BRD3: variants seen among roughly 807,000 people sequenced by gnomAD.
BRD3 encodes bromodomain-containing protein 3.
In BRD3, 17 loss-of-function variants were observed where a neutral mutation model predicts 66.8. The observed-to-expected ratio is 0.25, with a 90% CI of 0.17 to 0.38. The LOEUF is 0.38. BRD3 is among the 10% of genes least tolerant of loss of function. The pLI is 1.00. For synonymous variants in BRD3, 421 were observed against 393.2 expected (o/e 1.07, Z -0.84); for missense variants, 713 against 956.1 (o/e 0.75, Z 3.35).
rs1404673384 is a variant in BRD3 at position 134,030,751 on chromosome 9, A to C, written c.*2839T>G. 2 of 232,024 alleles carry C rather than the reference A, an allele frequency of 8.6e-6. No homozygotes were observed. Among genetic ancestry groups the C allele is most frequent in the Non-Finnish European group, 1.7e-5 (2 of 117,368 alleles). The allele number at this position is 232,024 out of a possible 1,614,324, so 14.4% of individuals were successfully genotyped here. ...AAACACACAAAAAAATGTGTCTTAC[A>C]GTTTGTAAGCAAGATGACACTGCCC... is the stretch of plus-strand genomic sequence containing the variant. On this transcript the variant is annotated 3_prime_UTR_variant, in exon 12 of 12. Transcript: ENST00000303407.
At chr9:134,042,037 C>T in intron 7 of BRD3, 86 bp from the exon 8 acceptor site, 1 of 1,376,996 alleles carries the variant, frequency 7.3e-7, no homozygotes, top group East Asian at 2.7e-5. Context: ...CTGAGGTGCC[C>T]CTGAGGCAGC....
At chr9:134,044,077 G>A (rs547439411) in intron 7 of BRD3, among the ~76,000 whole-genome samples, 185 of 152,360 alleles carry the variant, frequency 1.2e-3, no homozygotes, top group African/African-American at 4.3e-3. Context: ...ACTCAACCCA[G>A]TATTTACCAG....
rs139147455 is a variant in BRD3 at position 134,066,936 on chromosome 9, G to C, written c.-114+1009C>G. ...TGCCCCCGGTGGGTCTCGGCGGGCC[G>C]AGTTCTCGCCCTCCAGGGAAAGGAG... On this transcript the variant is annotated intron_variant, in intron 1 of 11. Coordinates refer to ENST00000303407, the MANE Select transcript of BRD3 (RefSeq NM_007371.4). Among the ~76,000 whole-genome samples the C allele has an allele frequency of 3.3e-3, 496 of 152,286 alleles. 3 individuals are homozygous for C. Among genetic ancestry groups the C allele is most frequent in the African/African-American group, 0.012 (479 of 41,560 alleles).
At position 134,045,179 on chromosome 9, in the gene BRD3, GCTCT is replaced by G. The variant is rs774061564; in HGVS notation, c.1215+110_1215+113del. ...GGGAAAAAGGTGTTGAGGGAATGAG[GCTCT>G]CTAAGGCCTTCCTCGGCTGGACATT... On this transcript the variant is annotated intron_variant, in intron 7 of 11. Transcript: ENST00000303407. This position sits in a 1 kb window ranked among gnomAD's most constrained non-coding sequence, Gnocchi z 4.8. The G allele has an allele frequency of 3.6e-6, 5 of 1,402,512 alleles. No homozygotes were observed. Among genetic ancestry groups the G allele is most frequent in the African/African-American group, 1.4e-5 (1 of 69,834 alleles). The allele number at this position is 1,402,512 out of a possible 1,614,324, so 86.9% of individuals were successfully genotyped here.
chr9:134,060,075 G>A (rs942769824), intron 1 of BRD3, among the ~76,000 whole-genome samples: 2 of 152,192 alleles, frequency 1.3e-5, no homozygotes, highest in Admixed American at 1.3e-4. Context: ...CTCCCACTCA[G>A]CTGCCCACAA....
intron 5 of BRD3, 75 bp from the exon 6 acceptor site, chr9:134,048,529 TG>T: frequency 6.3e-7 from 1 of 1,580,476 alleles, no homozygotes; most frequent in East Asian, 2.2e-5. Flanking sequence ...GCCGCGTTTC[TG>T]GGGCACTGTC....
Position 134,051,881 on chromosome 9 carries a change from TTTTTTTTG to T in BRD3, c.352-180_352-173del, listed in dbSNP as rs1327170517. On this transcript the variant is annotated intron_variant, in intron 3 of 11. Transcript: ENST00000303407. ...TGTGTGTGTGTGTGTGTGTGTGTTG[TTTTTTTTG>T]TTTTTTTTTTTTTTTTTTTGAGATG... Among the ~76,000 whole-genome samples the T allele has an allele frequency of 4.1e-3, 210 of 51,786 alleles. 5 individuals carry two copies. The highest frequency in any genetic ancestry group is 0.018 in the African/African-American group (189 of 10,286). 34.0% of individuals were successfully genotyped at this position (51,786 alleles called of 152,430 possible).
chr9:134,031,629 A>G lies in BRD3; in HGVS notation c.*1961T>C. On this transcript the variant is annotated 3_prime_UTR_variant, in exon 12 of 12. Coordinates refer to ENST00000303407, the MANE Select transcript of BRD3 (RefSeq NM_007371.4). ...GTCAGACTCACCAGCAATTTAAAAA[A>G]TGATAATTTACCAGCATCTCCTCAT... The G allele has an allele frequency of 4.7e-6, 1 of 213,802 alleles. No homozygotes were observed. Among genetic ancestry groups the G allele is most frequent in the Non-Finnish European group, 9.5e-6 (1 of 105,772 alleles). 13.2% of individuals were successfully genotyped at this position (213,802 alleles called of 1,614,324 possible). A position where few individuals can be genotyped will look rare whatever the true frequency, so the allele number is the denominator to read the frequency against.
At chr9:134,042,708 T>C (rs769786163) in intron 7 of BRD3, among the ~76,000 whole-genome samples, 2 of 87,186 alleles carry the variant, frequency 2.3e-5, no homozygotes, top group African/African-American at 3.0e-5. Context: ...CACACATATA[T>C]ATACACATAT....
intron 1 of BRD3, among the ~76,000 whole-genome samples, chr9:134,065,636 C>T (rs1198800191): frequency 6.6e-6 from 1 of 152,190 alleles, no homozygotes; most frequent in Non-Finnish European, 1.5e-5. Context: ...CCCCGGTTCC[C>T]CATACCCCGC....
chr9:134,035,166 C>T (rs974778414), intron 10 of BRD3, among the ~76,000 whole-genome samples: 1 of 152,210 alleles, frequency 6.6e-6, no homozygotes, highest in Non-Finnish European at 1.5e-5. Flanking sequence ...CAGGGCAGAG[C>T]CTCTGATTCA....
At position 134,051,572 on chromosome 9, in the gene BRD3, G is replaced by A. The variant is rs964556073; in HGVS notation, c.489C>T (p.Ala163=). Residue 163 remains alanine, a synonymous_variant, in exon 4 of 12, where the codon GCC becomes GCT. Coordinates refer to ENST00000303407, the MANE Select transcript of BRD3 (RefSeq NM_007371.4). ...KGKGRKPAAG[A]QSAGTQQVAA... is the part of the protein sequence containing the mutation. ...CCCAGCTCCCTTTACCTGCGCTCTG[G>A]GCTCCCGCAGCCGGCTTCCGACCTT... The A allele has an allele frequency of 1.9e-6, 3 of 1,552,958 alleles. No homozygotes were observed. The highest frequency in any genetic ancestry group is 1.4e-5 in the African/African-American group (1 of 70,284).
At chr9:134,042,788 A>T (rs143887176) in intron 7 of BRD3, among the ~76,000 whole-genome samples, 1 of 56,018 alleles carries the variant, frequency 1.8e-5, no homozygotes, top group Non-Finnish European at 3.4e-5. Context: ...TATATACACA[A>T]ATATACACAC....
In BRD3 at chr9:134,039,954, A is replaced by G. The variant is rs944210744; in HGVS notation, c.1643+80T>C. 54 of 1,504,564 alleles carry G rather than the reference A, an allele frequency of 3.6e-5. No homozygotes were observed. In the African/African-American group the frequency reaches 3.8e-4, roughly 11 times the overall value. 93.2% of individuals were successfully genotyped at this position (1,504,564 alleles called of 1,614,324 possible). ...AGGTGGCCAAGGCACAAAGCCCCCAATCCCAGCACTGCTGCTACATGAGCC... is the reference window on the plus strand; with the variant it reads ...AGGTGGCCAAGGCACAAAGCCCCCAGTCCCAGCACTGCTGCTACATGAGCC... On this transcript the variant is annotated intron_variant, in intron 9 of 11. Transcript: ENST00000303407.
intron 6 of BRD3, among the ~76,000 whole-genome samples, chr9:134,046,644 A>G (rs993550843): frequency 2.0e-5 from 3 of 152,170 alleles, no homozygotes; most frequent in Non-Finnish European, 2.9e-5. Context: ...ACCATCCCCA[A>G]AAGCTCCATC....
chr9:134,037,863 A>C (rs1368226945), intron 9 of BRD3, among the ~76,000 whole-genome samples: 1 of 152,226 alleles, frequency 6.6e-6, no homozygotes, highest in African/African-American at 2.4e-5. Context: ...AGACAATAAA[A>C]GGCTAATAGA....
chr9:134,063,516 C>T (rs1018107078), intron 1 of BRD3, among the ~76,000 whole-genome samples: 16 of 152,224 alleles, frequency 1.1e-4, no homozygotes, highest in African/African-American at 3.9e-4. Flanking sequence ...TCCTCTCAGC[C>T]GCTTATAGTA....
At chr9:134,066,153 C>G (rs111429345) in intron 1 of BRD3, among the ~76,000 whole-genome samples, 2 of 152,296 alleles carry the variant, frequency 1.3e-5, no homozygotes, top group South Asian at 2.1e-4. Flanking sequence ...CGGCAGGGCT[C>G]AGGCTGGAGC....
chr9:134,065,074 C>T (rs544204250), intron 1 of BRD3, among the ~76,000 whole-genome samples: 10 of 152,366 alleles, frequency 6.6e-5, no homozygotes, highest in South Asian at 4.1e-4. Flanking sequence ...GCCTTGCATT[C>T]TACCATGATT....
Sources: allele counts gnomAD v4.1 joint callset (sites outside exome capture counted in the v4.1 genomes callset), GRCh38; gene constraint gnomAD v4.1.1; non-coding constraint Gnocchi (gnomAD v3.1); transcripts MANE v1.5; gene names NCBI Gene and HGNC (gene_info 2026-07-23, HGNC 2026-07-21).